TRIB3: variants seen among roughly 807,000 people sequenced by gnomAD.
TRIB3 encodes the protein tribbles homolog 3.
TRIB3 carries 20 observed loss-of-function variants against 16.6 expected under a neutral mutation model. The ratio of observed to expected loss-of-function variants is 1.20; its 90% CI spans 0.85 to 1.75. TRIB3 has a LOEUF of 1.75. TRIB3 is among the 40% of genes most tolerant of loss of function. TRIB3 has a pLI of 0.00. For missense variants in TRIB3, 484 were observed against 488.9 expected (o/e 0.99, Z 0.10); for synonymous variants, 208 against 217.0 (o/e 0.96, Z 0.36).
intron 1 of TRIB3, among the ~76,000 whole-genome samples, chr20:386,534 C>T (rs2014814054): frequency 6.6e-6 from 1 of 151,928 alleles, no homozygotes; most frequent in Non-Finnish European, 1.5e-5. Context: ...TCAGCCTTCC[C>T]AGTAGCTGGG....
intron 1 of TRIB3, chr20:382,745 A>T (rs924129238): frequency 7.0e-6 from 5 of 712,886 alleles, no homozygotes; most frequent in Admixed American, 2.1e-5. Context: ...GAGGAACTTG[A>T]CCAGGGGTAC....
At chr20:382,854 TC>T (rs1484879281) in intron 1 of TRIB3, among the ~76,000 whole-genome samples, 3 of 152,208 alleles carry the variant, frequency 2.0e-5, no homozygotes, top group Non-Finnish European at 2.9e-5. Flanking sequence ...TCATGACCTT[TC>T]ACTCATGTGG....
In TRIB3 at chr20:384,025, C is replaced by T. The variant is rs1250345234; in HGVS notation, c.-1+2856C>T. On this transcript the variant is annotated intron_variant, in intron 1 of 3. Coordinates refer to ENST00000217233, the MANE Select transcript of TRIB3 (RefSeq NM_021158.5). The stretch of plus-strand genomic sequence containing the variant: ...CCTCGATTCCACCCTCTCCTTCACC[C>T]CTCACATCCAATCCATCCAGTCCAT... 4.0e-5 allele frequency among the ~76,000 whole-genome samples: 6 copies of T among 149,372 alleles called. No individual in the cohort carries two copies. The East Asian group carries it at 1.2e-3, about 29-fold the overall frequency.
At chr20:389,662 C>T (rs572342411) in intron 2 of TRIB3, among the ~76,000 whole-genome samples, 11 of 152,262 alleles carry the variant, frequency 7.2e-5, no homozygotes, top group African/African-American at 2.4e-4. Context: ...TTTTCCACTC[C>T]CGCTGGGGAG....
chr20:394,430 C>T (rs900250536), intron 3 of TRIB3, among the ~76,000 whole-genome samples: 1 of 152,130 alleles, frequency 6.6e-6, no homozygotes, highest in Non-Finnish European at 1.5e-5. Context: ...ACTTCAAACA[C>T]ATTTTAGGCT....
chr20:386,068 T>C (rs1180128647), intron 1 of TRIB3, among the ~76,000 whole-genome samples: 3 of 152,110 alleles, frequency 2.0e-5, no homozygotes, highest in Admixed American at 6.6e-5. Context: ...CTCACTATGT[T>C]GCCCAAGCTG....
chr20:387,970 C>A (rs774908403), intron 1 of TRIB3, 41 bp from the exon 2 acceptor site: 5 of 1,584,854 alleles, frequency 3.2e-6, no homozygotes, highest in East Asian at 2.3e-5. Context: ...GAGGGGCCAC[C>A]AAGCAGTCTC....
At position 391,424 on chromosome 20, in the gene TRIB3, C is replaced by A; in HGVS notation, c.429C>A (p.Asp143Glu). The A allele has an allele frequency of 6.2e-7, 1 of 1,613,934 alleles. No individual in the cohort carries two copies. The highest frequency in any genetic ancestry group is 8.5e-7 in the Non-Finnish European group (1 of 1,180,008). Residue 143 changes from aspartate to glutamate, a missense_variant, in exon 3 of 4, where the codon GAC (aspartate) becomes GAA (glutamate). Physicochemically the swap from Asp to Glu is conservative, Grantham distance 45 (BLOSUM62 2). Coordinates refer to ENST00000217233, the MANE Select transcript of TRIB3 (RefSeq NM_021158.5). ...CCTTTTTCACTCGGACCCATGGGGA[C>A]ATGCACAGCCTGGTGCGAAGCCGCC... Reference protein sequence around the residue: ...LYAFFTRTHGDMHSLVRSRHR... With the variant: ...LYAFFTRTHGEMHSLVRSRHR...
Position 396,472 on chromosome 20 carries a change from CCTGCCCGCTGT to C in TRIB3, c.863_873del (p.Ala288GlyfsTer11). Reference sequence around the variant, plus strand: ...CGCCTTGCCTGCAGGCCTCTCGGCCCCTGCCCGCTGTCTGGTTCGCTGCCTCCTTCGTCGGG... The same window carrying C: ...CGCCTTGCCTGCAGGCCTCTCGGCCCCTGGTTCGCTGCCTCCTTCGTCGGG... On this transcript the variant is annotated frameshift_variant, in exon 4 of 4. Coordinates refer to ENST00000217233, the MANE Select transcript of TRIB3 (RefSeq NM_021158.5). LOFTEE classifies it low-confidence loss of function (END_TRUNC). 1 of 1,612,874 alleles carries C rather than the reference CCTGCCCGCTGT, an allele frequency of 6.2e-7. No individual in the cohort carries two copies. The highest frequency in any genetic ancestry group is 8.5e-7 in the Non-Finnish European group (1 of 1,179,982).
At position 396,479 on chromosome 20, in the gene TRIB3, GCTGT is replaced by G; in HGVS notation, c.870_873del (p.Cys290TrpfsTer32). The G allele has an allele frequency of 1.9e-6, 3 of 1,612,750 alleles. No homozygotes were observed. Among genetic ancestry groups the G allele is most frequent in the Non-Finnish European group, 1.7e-6 (2 of 1,179,966 alleles). The stretch of plus-strand genomic sequence containing the variant: ...CCTGCAGGCCTCTCGGCCCCTGCCC[GCTGT>G]CTGGTTCGCTGCCTCCTTCGTCGGG... On this transcript the variant is annotated frameshift_variant, in exon 4 of 4. Transcript: ENST00000217233. LOFTEE classifies it low-confidence loss of function (END_TRUNC).
chr20:388,261 A>G lies in TRIB3; in HGVS notation c.251A>G (p.Gln84Arg), dbSNP rs2295490. The change falls in exon 2 of 4, where the codon CAG becomes CGG. Residue 84 changes from glutamine (Q) to arginine (R), a missense_variant. By Grantham distance (43) the Gln-to-Arg change is conservative (BLOSUM62 1). Coordinates refer to ENST00000217233, the MANE Select transcript of TRIB3 (RefSeq NM_021158.5). ...CCCGAGGAGGGCGGGCGGGCCTACC[A>G]GGCCCTGCACTGCCCTACAGGCACT... is the stretch of plus-strand genomic sequence containing the variant. Reference protein sequence around the residue: ...LEPEEGGRAYQALHCPTGTEY... With the variant: ...LEPEEGGRAYRALHCPTGTEY... 276,302 of 1,613,002 alleles carry G rather than the reference A, an allele frequency of 0.17. 26,855 individuals carry two copies. The highest frequency in any genetic ancestry group is 0.38 in the South Asian group (34,769 of 91,068).
chr20:391,659 G>A, intron 3 of TRIB3, 80 bp downstream of exon 3: 1 of 1,514,560 alleles, frequency 6.6e-7, no homozygotes, highest in Non-Finnish European at 8.8e-7. Flanking sequence ...GGCCCAGGAA[G>A]GCAAGGTAAC....
chr20:393,074 C>G lies in TRIB3; in HGVS notation c.584+1495C>G, dbSNP rs2122699329. Among the ~76,000 whole-genome samples the G allele has an allele frequency of 4.2e-5, 4 of 95,738 alleles. 1 individual carries two copies. The highest frequency in any genetic ancestry group is 1.0e-4 in the African/African-American group (2 of 19,338). 62.8% of individuals were successfully genotyped at this position (95,738 alleles called of 152,430 possible). ...AAATAATTTTAGACTTTTAGAAAAC[C>G]TACAAAAATAGTTCAAAGAGTTTCT... On this transcript the variant is annotated intron_variant, in intron 3 of 3. Transcript: ENST00000217233.
intron 3 of TRIB3, 84 bp from the exon 4 acceptor site, chr20:396,114 G>A: frequency 6.6e-7 from 1 of 1,518,590 alleles, no homozygotes; most frequent in Admixed American, 1.9e-5. Flanking sequence ...CTTGGAAAGT[G>A]GGTGCCACAA....
At chr20:390,281 T>C (rs1402641784) in intron 2 of TRIB3, among the ~76,000 whole-genome samples, 2 of 151,220 alleles carry the variant, frequency 1.3e-5, no homozygotes, top group Non-Finnish European at 3.0e-5. Context: ...TGAGCCGAGA[T>C]CACACCACTG....
intron 1 of TRIB3, among the ~76,000 whole-genome samples, chr20:386,841 G>A (rs774299326): frequency 2.6e-5 from 4 of 151,506 alleles, no homozygotes; most frequent in East Asian, 1.9e-4. Flanking sequence ...AAGTGCTGCC[G>A]TGGGCTGCAC....
chr20:384,524 C>T (rs2014747815), intron 1 of TRIB3, among the ~76,000 whole-genome samples: 1 of 152,064 alleles, frequency 6.6e-6, no homozygotes. Flanking sequence ...CCACCATGCC[C>T]ACCTAATTTT....
chr20:381,104 C>T lies in TRIB3; in HGVS notation c.-66C>T, dbSNP rs2273461. 2 of 152,062 alleles carry T rather than the reference C, an allele frequency of 1.3e-5. No homozygotes were observed. The highest frequency in any genetic ancestry group is 3.9e-4 in the East Asian group (2 of 5,144). 9.4% of individuals were successfully genotyped at this position (152,062 alleles called of 1,614,324 possible). A position where few individuals can be genotyped will look rare whatever the true frequency, so the allele number is the denominator to read the frequency against. ...GGCAGCAGCGCAGCGGGCCGGCCCA[C>T]CTGCTGGTGCCCTGGAGGCTCTGAG... On this transcript the variant is annotated 5_prime_UTR_variant, in exon 1 of 4. Transcript: ENST00000217233.
chr20:392,895 G>C (rs2015020139), intron 3 of TRIB3, among the ~76,000 whole-genome samples: 1 of 152,068 alleles, frequency 6.6e-6, no homozygotes, highest in African/African-American at 2.4e-5. Flanking sequence ...TAATTCTGGG[G>C]AGAAGGGCAG....
Sources: gnomAD v4.1 joint callset for allele counts (sites outside exome capture counted in the v4.1 genomes callset) on GRCh38, gnomAD v4.1.1 for gene constraint, MANE v1.5 for transcripts, NCBI Gene and HGNC (gene_info 2026-07-23, HGNC 2026-07-21) for gene names.